LPP: variants seen among roughly 807,000 people sequenced by gnomAD.
The protein encoded by LPP is lipoma-preferred partner.
A neutral mutation model predicts 60.4 loss-of-function variants in LPP; 38 were observed. The observed-to-expected ratio is 0.63, with a 90% CI of 0.49 to 0.83. The LOEUF (loss-of-function observed/expected upper bound fraction) is 0.83, where lower values mean the gene tolerates loss of function less well. Among genes scored for constraint, LPP ranks in the 40% least tolerant of loss-of-function variants. The pLI is 0.00. For missense variants in LPP, 902 were observed against 783.6 expected, an observed-to-expected ratio of 1.15 and a Z score of -1.80; for synonymous variants, 328 against 290.8, an observed-to-expected ratio of 1.13 and a Z score of -1.30.
chr3:188,176,176 C>T (rs1010584209), intron 1 of LPP, among the ~76,000 whole-genome samples: 3 of 152,088 alleles, frequency 2.0e-5, no homozygotes, highest in Admixed American at 6.6e-5. Flanking sequence ...TACTGGGCCC[C>T]GTCTCAGAGG....
chr3:188,874,583 A>C lies in LPP; in HGVS notation c.*104A>C. The stretch of plus-strand genomic sequence containing the variant: ...AACTACGCGATAGTCTCTGTTCTTC[A>C]TCTGCTATTAACCTTGCCTTAGAAA... On this transcript the variant is annotated 3_prime_UTR_variant, in exon 12 of 12. Coordinates refer to ENST00000617246, the MANE Select transcript of LPP (RefSeq NM_001375462.1). The C allele has an allele frequency of 1.5e-6, 2 of 1,306,992 alleles. No individual in the cohort carries two copies. Among genetic ancestry groups the C allele is most frequent in the Non-Finnish European group, 2.1e-6 (2 of 951,918 alleles). 81.0% of individuals were successfully genotyped at this position (1,306,992 alleles called of 1,614,324 possible).
chr3:188,756,021 C>G (rs1370620617), intron 8 of LPP, among the ~76,000 whole-genome samples: 1 of 151,982 alleles, frequency 6.6e-6, no homozygotes, highest in Non-Finnish European at 1.5e-5. Flanking sequence ...TCTGTAAAGT[C>G]TTTCTGTTGG....
At chr3:188,828,987 A>C (rs1374511697) in intron 9 of LPP, among the ~76,000 whole-genome samples, 1 of 151,910 alleles carries the variant, frequency 6.6e-6, no homozygotes, top group African/African-American at 2.4e-5. Flanking sequence ...TTTTGTCGGT[A>C]TTTCTTTCTC....
At chr3:188,212,757 C>G (rs748565753) in intron 1 of LPP, 1 of 152,230 alleles carries the variant, frequency 6.6e-6, no homozygotes, top group Non-Finnish European at 1.5e-5. Flanking sequence ...TGCTGTGTCC[C>G]GTAGTGGACT....
At chr3:188,837,043 A>G (rs1358954659) in intron 9 of LPP, among the ~76,000 whole-genome samples, 2 of 152,122 alleles carry the variant, frequency 1.3e-5, no homozygotes, top group Non-Finnish European at 2.9e-5. Context: ...TTTCATAAAT[A>G]TGTAGCATTA....
chr3:188,173,597 A>G (rs1013926180), intron 1 of LPP, among the ~76,000 whole-genome samples: 1 of 152,172 alleles, frequency 6.6e-6, no homozygotes, highest in Non-Finnish European at 1.5e-5. Flanking sequence ...AAAGCCTACT[A>G]TGACGTATAA....
chr3:188,198,985 A>G (rs189545771), intron 1 of LPP, among the ~76,000 whole-genome samples: 30 of 152,340 alleles, frequency 2.0e-4, no homozygotes, highest in Non-Finnish European at 4.1e-4. Flanking sequence ...GAACTTGGAC[A>G]GAGCAAAGGG....
chr3:188,425,297 A>G (rs919053261), intron 4 of LPP, among the ~76,000 whole-genome samples: 97 of 152,236 alleles, frequency 6.4e-4, no homozygotes, highest in African/African-American at 2.0e-3. Flanking sequence ...GATGAAGCTG[A>G]CTTTTTCATA....
rs994088227 is a variant in LPP, at chr3:188,746,344, CAG to C, written c.1241-13768_1241-13767del. The stretch of plus-strand genomic sequence containing the variant: ...GAAAAGTAACCTCAACATGTTGTAA[CAG>C]GGGGCAGAAAAACACGCTGAATAGA... On this transcript the variant is annotated intron_variant, in intron 8 of 11. Coordinates refer to ENST00000617246, the MANE Select transcript of LPP (RefSeq NM_001375462.1). 4.5e-5 allele frequency: 19 copies of C among 419,802 alleles called. No homozygotes were observed. The Admixed American group carries it at 4.9e-4, about 11-fold the overall frequency. The allele number at this position is 419,802 out of a possible 1,614,324, so 26.0% of individuals were successfully genotyped here. A position where few individuals can be genotyped will look rare whatever the true frequency, so the allele number is the denominator to read the frequency against.
At chr3:188,319,622 T>C (rs1756342735) in intron 2 of LPP, among the ~76,000 whole-genome samples, 1 of 152,212 alleles carries the variant, frequency 6.6e-6, no homozygotes, top group South Asian at 2.1e-4. Flanking sequence ...GGAGGCAGTT[T>C]AAGGGTGTTC....
chr3:188,193,849 G>A (rs1326290769), intron 1 of LPP, among the ~76,000 whole-genome samples: 1 of 152,134 alleles, frequency 6.6e-6, no homozygotes, highest in African/African-American at 2.4e-5. Context: ...TGCAGCCTAT[G>A]CATCAATGGT....
intron 2 of LPP, among the ~76,000 whole-genome samples, chr3:188,298,703 G>T (rs987014826): frequency 3.3e-5 from 5 of 152,210 alleles, no homozygotes; most frequent in African/African-American, 1.2e-4. Context: ...GGCATGAAAA[G>T]AGTGAGAAGG....
At chr3:188,695,725 G>T (rs969734257) in intron 7 of LPP, among the ~76,000 whole-genome samples, 2 of 152,160 alleles carry the variant, frequency 1.3e-5, no homozygotes, top group African/African-American at 4.8e-5. Flanking sequence ...TGAAGCCCAC[G>T]CTTTCTCCAT....
At chr3:188,631,814 A>G (rs1847893928) in intron 7 of LPP, among the ~76,000 whole-genome samples, 1 of 152,180 alleles carries the variant, frequency 6.6e-6, no homozygotes, top group Admixed American at 6.5e-5. Context: ...TGATGACTTA[A>G]GCACACACCA....
intron 8 of LPP, among the ~76,000 whole-genome samples, chr3:188,733,845 T>A (rs1390158477): frequency 6.6e-6 from 1 of 152,216 alleles, no homozygotes; most frequent in Non-Finnish European, 1.5e-5. Flanking sequence ...AATTATGCAT[T>A]TTGTCAAGAT....
At chr3:188,434,263 T>C (rs1791752549) in intron 4 of LPP, among the ~76,000 whole-genome samples, 1 of 152,182 alleles carries the variant, frequency 6.6e-6, no homozygotes, top group Non-Finnish European at 1.5e-5. Context: ...CAATGTAATA[T>C]ATATTGTCAA....
intron 7 of LPP, among the ~76,000 whole-genome samples, chr3:188,685,435 G>A (rs547516047): frequency 2.0e-5 from 3 of 152,138 alleles, no homozygotes; most frequent in South Asian, 2.1e-4. Context: ...TCTGGAATAG[G>A]GTGTACACGT....
intron 3 of LPP, among the ~76,000 whole-genome samples, chr3:188,367,754 G>A (rs1009694897): frequency 1.3e-5 from 2 of 152,140 alleles, no homozygotes; most frequent in African/African-American, 2.4e-5. Context: ...GATTCTTGAT[G>A]CATCCCCAAC....
chr3:188,442,901 G>C (rs1794364532), intron 4 of LPP, among the ~76,000 whole-genome samples: 1 of 152,228 alleles, frequency 6.6e-6, no homozygotes, highest in South Asian at 2.1e-4. Flanking sequence ...GAGTTACCCA[G>C]AGGAGTGCTG....
Sources: allele counts gnomAD v4.1 joint callset (sites outside exome capture counted in the v4.1 genomes callset), GRCh38; gene constraint gnomAD v4.1.1; transcripts MANE v1.5; gene names NCBI Gene and HGNC (gene_info 2026-07-23, HGNC 2026-07-21).